C5orf15: variants seen among roughly 807,000 people sequenced by gnomAD.
C5orf15 encodes chromosome 5 open reading frame 15, also known as keratinocyte-associated transmembrane protein 2.
A neutral mutation model predicts 17.8 loss-of-function variants in C5orf15; 10 were observed. That is an observed-to-expected ratio of 0.56 (90% CI 0.35 to 0.95). The LOEUF (loss-of-function observed/expected upper bound fraction) is 0.95, where lower values mean the gene tolerates loss of function less well. Ranked by LOEUF, C5orf15 falls within the 40% of genes least tolerant of loss-of-function variation. The probability of loss-of-function intolerance (pLI) is 0.02; values close to 1 mark genes in which losing one functional copy is unlikely to be tolerated. For missense variants in C5orf15, 319 were observed against 331.7 expected (o/e 0.96, Z 0.30); for synonymous variants, 124 against 131.0 (o/e 0.95, Z 0.36).
chr5:133,962,409 G>T (rs748981252), intron 1 of C5orf15, among the ~76,000 whole-genome samples: 1 of 152,128 alleles, frequency 6.6e-6, no homozygotes, highest in African/African-American at 2.4e-5. Context: ...TGAATCTCAA[G>T]GAGGCACAGT....
intron 1 of C5orf15, among the ~76,000 whole-genome samples, chr5:133,964,609 A>G (rs1368343885): frequency 6.6e-6 from 1 of 152,248 alleles, no homozygotes; most frequent in Non-Finnish European, 1.5e-5. Flanking sequence ...ACAACTGCCA[A>G]GTGAATCTAT....
chr5:133,955,749 A>T lies in C5orf15; in HGVS notation c.*1110T>A, dbSNP rs893302858. On this transcript the variant is annotated 3_prime_UTR_variant, in exon 3 of 3. Coordinates refer to ENST00000231512, the MANE Select transcript of C5orf15 (RefSeq NM_020199.3). The stretch of plus-strand genomic sequence containing the variant: ...GTCCTGCTTAACATATATTAGGGCT[A>T]TGTTTTCTAAAAAGCTGTAGTGACA... The T allele has an allele frequency of 7.2e-5, 11 of 152,596 alleles. No homozygotes were observed. Among genetic ancestry groups the T allele is most frequent in the Admixed American group, 5.9e-4 (9 of 15,280 alleles). The allele number at this position is 152,596 out of a possible 1,614,324, so 9.5% of individuals were successfully genotyped here.
rs550486404 is a variant in C5orf15 at position 133,959,764 on chromosome 5, C to A, written c.396G>T (p.Leu132=). 6 of 1,614,116 alleles carry A rather than the reference C, an allele frequency of 3.7e-6. No individual in the cohort carries two copies. The East Asian group carries it at 8.9e-5, about 24-fold the overall frequency. ...CTTTGGCTGTGGATGGAGAACTGTT[C>A]AGCATGAGAAGATCCTCCTCCTCTA... is the stretch of plus-strand genomic sequence containing the variant. ...PSIEEEDLLM[L]NSSPSTAKDT... is the part of the protein sequence containing the mutation. Residue 132 remains leucine, a synonymous_variant, in exon 2 of 3, where the codon CTG becomes CTT. Coordinates refer to ENST00000231512, the MANE Select transcript of C5orf15 (RefSeq NM_020199.3).
intron 1 of C5orf15, among the ~76,000 whole-genome samples, chr5:133,966,783 G>C (rs1162816554): frequency 6.6e-6 from 1 of 152,140 alleles, no homozygotes; most frequent in Non-Finnish European, 1.5e-5. Flanking sequence ...GGAGCTGCTC[G>C]CCTATTAAAG....
chr5:133,961,341 C>G (rs1253698763), intron 1 of C5orf15, among the ~76,000 whole-genome samples: 1 of 149,572 alleles, frequency 6.7e-6, no homozygotes, highest in Non-Finnish European at 1.5e-5. Flanking sequence ...GTCAGGAGCT[C>G]GAGACCATCC....
At chr5:133,958,757 A>T in intron 2 of C5orf15, among the ~76,000 whole-genome samples, 1 of 152,076 alleles carries the variant, frequency 6.6e-6, no homozygotes, top group South Asian at 2.1e-4. Flanking sequence ...AATTCCCTAA[A>T]ATAAATGTGT....
intron 1 of C5orf15, among the ~76,000 whole-genome samples, chr5:133,962,607 C>T (rs1752140845): frequency 6.6e-6 from 1 of 152,164 alleles, no homozygotes; most frequent in Non-Finnish European, 1.5e-5. Flanking sequence ...ACAAGTACTC[C>T]TGCCTTGATT....
intron 2 of C5orf15, among the ~76,000 whole-genome samples, chr5:133,958,703 G>A (rs1752074437): frequency 6.7e-6 from 1 of 150,256 alleles, no homozygotes; most frequent in South Asian, 2.1e-4. Flanking sequence ...CGTTAATGCT[G>A]AGAAGTAGTT....
chr5:133,968,552 C>T lies in C5orf15; in HGVS notation c.33G>A (p.Gly11=), dbSNP rs145635824. Residue 11 remains glycine, a synonymous_variant, in exon 1 of 3, where the codon GGG becomes GGA. Coordinates refer to ENST00000231512, the MANE Select transcript of C5orf15 (RefSeq NM_020199.3). ...CGGGCAGCAGTTTCGCTTGTGCTGG[C>T]CCCCTCATCCTCTTCGGGACGGCAG... The part of the protein sequence containing the change: MAAAVPKRMR[G]PAQAKLLPGS... 6.2e-7 allele frequency: 1 copy of T among 1,609,886 alleles called. No individual in the cohort carries two copies. The highest frequency in any genetic ancestry group is 1.1e-5 in the South Asian group (1 of 90,174).
intron 1 of C5orf15, among the ~76,000 whole-genome samples, chr5:133,966,931 T>C (rs77488933): frequency 0.066 from 10,085 of 152,264 alleles, 398 homozygotes; most frequent in South Asian, 0.13. Context: ...TAGAAAAATA[T>C]TTATAGGGCT....
intron 1 of C5orf15, among the ~76,000 whole-genome samples, chr5:133,965,867 A>C (rs1051676411): frequency 1.3e-5 from 2 of 152,208 alleles, no homozygotes; most frequent in Non-Finnish European, 2.9e-5. Flanking sequence ...GGAAGTTGCA[A>C]TGGGCCAAGT....
chr5:133,955,916 A>G lies in C5orf15; in HGVS notation c.*943T>C, dbSNP rs1423994973. 1 of 152,240 alleles carries G rather than the reference A, an allele frequency of 6.6e-6. No homozygotes were observed. Among genetic ancestry groups the G allele is most frequent in the Non-Finnish European group, 1.5e-5 (1 of 68,036 alleles). The allele number at this position is 152,240 out of a possible 1,614,324, so 9.4% of individuals were successfully genotyped here. A position where few individuals can be genotyped will look rare whatever the true frequency, so the allele number is the denominator to read the frequency against. On this transcript the variant is annotated 3_prime_UTR_variant, in exon 3 of 3. Transcript: ENST00000231512. ...AAAACAAAGAAAACAAGTGTGGGGG[A>G]AAAAAGGTAATTGTACACAAATATC... is the stretch of plus-strand genomic sequence containing the variant.
chr5:133,961,510 C>T (rs1214382881), intron 1 of C5orf15, among the ~76,000 whole-genome samples: 2 of 146,458 alleles, frequency 1.4e-5, no homozygotes, highest in Non-Finnish European at 3.0e-5. Flanking sequence ...GGCGCCACTG[C>T]ACTCTAGCCT....
At chr5:133,967,776 C>T (rs1186752364) in intron 1 of C5orf15, among the ~76,000 whole-genome samples, 1 of 152,200 alleles carries the variant, frequency 6.6e-6, no homozygotes, top group African/African-American at 2.4e-5. Context: ...CCCCAGTACT[C>T]TGAATCTTTA....
intron 1 of C5orf15, among the ~76,000 whole-genome samples, chr5:133,966,219 A>G (rs1351833025): frequency 6.6e-6 from 1 of 152,080 alleles, no homozygotes; most frequent in Non-Finnish European, 1.5e-5. Flanking sequence ...AAAAAAAAAC[A>G]AAAAACAAAA....
At chr5:133,968,397 GC>G in intron 1 of C5orf15, 48 bp downstream of exon 1, 1 of 1,581,344 alleles carries the variant, frequency 6.3e-7, no homozygotes, top group Non-Finnish European at 8.6e-7. Context: ...CCTGCCCTGC[GC>G]CCGAGCCCTC....
intron 1 of C5orf15, among the ~76,000 whole-genome samples, 198 bp from the exon 2 acceptor site, chr5:133,960,218 C>T (rs1159043049): frequency 1.3e-5 from 2 of 152,142 alleles, no homozygotes; most frequent in East Asian, 3.8e-4. Context: ...ATAATAATTG[C>T]TTTGCTAGAT....
At chr5:133,961,593 C>CA (rs1752125977) in intron 1 of C5orf15, among the ~76,000 whole-genome samples, 1 of 142,158 alleles carries the variant, frequency 7.0e-6, no homozygotes, top group Non-Finnish European at 1.5e-5. Context: ...CTCTTTTTCC[C>CA]TTTTTTTTTT....
Position 133,956,008 on chromosome 5 carries a change from TTAAG to T in C5orf15, c.*847_*850del, listed in dbSNP as rs1752038145. The T allele has an allele frequency of 6.6e-6, 1 of 152,388 alleles. No individual in the cohort carries two copies. The highest frequency in any genetic ancestry group is 2.4e-5 in the African/African-American group (1 of 41,456). 9.4% of individuals were successfully genotyped at this position (152,388 alleles called of 1,614,324 possible). A position where few individuals can be genotyped will look rare whatever the true frequency, so the allele number is the denominator to read the frequency against. ...TTGAAAGACCTAGGTACAGTATTAT[TTAAG>T]TGATAATGACCCCTAAGATTTATTC... On this transcript the variant is annotated 3_prime_UTR_variant, in exon 3 of 3. Transcript: ENST00000231512.
Sources: allele counts gnomAD v4.1 joint callset (sites outside exome capture counted in the v4.1 genomes callset), GRCh38; gene constraint gnomAD v4.1.1; transcripts MANE v1.5; gene names NCBI Gene and HGNC (gene_info 2026-07-23, HGNC 2026-07-21).